ZCCHC7: variants seen among roughly 807,000 people sequenced by gnomAD.
ZCCHC7 encodes zinc finger CCHC domain-containing protein 7.
Under a neutral mutation model 52.0 loss-of-function variants are expected in ZCCHC7, and 35 were observed. The observed-to-expected ratio is 0.67, with a 90% CI of 0.51 to 0.89. ZCCHC7 has a LOEUF of 0.89. ZCCHC7 is among the 40% of genes least tolerant of loss of function. ZCCHC7 has a pLI of 0.00. For missense variants in ZCCHC7, 574 were observed against 649.1 expected, an observed-to-expected ratio of 0.88 and a Z score of 1.26; for synonymous variants, 217 against 221.5, an observed-to-expected ratio of 0.98 and a Z score of 0.18.
At chr9:37,191,270 A>T (rs888250336) in intron 2 of ZCCHC7, among the ~76,000 whole-genome samples, 3 of 152,280 alleles carry the variant, frequency 2.0e-5, no homozygotes, top group African/African-American at 7.2e-5. Flanking sequence ...AAGATCTAAT[A>T]ACCATTTTCT....
intron 1 of ZCCHC7, among the ~76,000 whole-genome samples, chr9:37,125,595 C>T (rs922765210): frequency 1.2e-4 from 19 of 152,170 alleles, no homozygotes; most frequent in African/African-American, 2.4e-4. Context: ...AAGTAATATT[C>T]CTGTATATGC....
At chr9:37,266,498 A>T (rs1371657407) in intron 2 of ZCCHC7, among the ~76,000 whole-genome samples, 2 of 152,216 alleles carry the variant, frequency 1.3e-5, no homozygotes. Flanking sequence ...AAAATATATA[A>T]AAATAGAGCT....
At chr9:37,215,051 A>G (rs1217677869) in intron 2 of ZCCHC7, among the ~76,000 whole-genome samples, 1 of 152,132 alleles carries the variant, frequency 6.6e-6, no homozygotes, top group Admixed American at 6.5e-5. Context: ...TTTATTACAA[A>G]CAGTTATGAA....
intron 2 of ZCCHC7, among the ~76,000 whole-genome samples, chr9:37,209,150 C>T (rs574652574): frequency 4.6e-5 from 7 of 152,196 alleles, no homozygotes; most frequent in Admixed American, 4.6e-4. Flanking sequence ...ACGCCATTTG[C>T]CTGCCTCAGT....
At chr9:37,272,297 A>G (rs974637654) in intron 2 of ZCCHC7, among the ~76,000 whole-genome samples, 1 of 152,100 alleles carries the variant, frequency 6.6e-6, no homozygotes, top group Admixed American at 6.5e-5. Context: ...TGGCTCTTTA[A>G]TCTTTTCTCA....
chr9:37,141,653 A>C (rs1843232085), intron 2 of ZCCHC7, among the ~76,000 whole-genome samples: 1 of 151,940 alleles, frequency 6.6e-6, no homozygotes, highest in South Asian at 2.1e-4. Context: ...GTACTGTTAT[A>C]AATCTTTAAT....
chr9:37,196,754 C>T (rs1178319306), intron 2 of ZCCHC7, among the ~76,000 whole-genome samples: 1 of 151,816 alleles, frequency 6.6e-6, no homozygotes, highest in Non-Finnish European at 1.5e-5. Context: ...GATTAAAAAG[C>T]TTTCTGTTTA....
At chr9:37,201,086 C>G (rs1261797699) in intron 2 of ZCCHC7, among the ~76,000 whole-genome samples, 1 of 152,100 alleles carries the variant, frequency 6.6e-6, no homozygotes, top group East Asian at 1.9e-4. Flanking sequence ...GTTTTGAATT[C>G]ATTGAATTTT....
intron 2 of ZCCHC7, among the ~76,000 whole-genome samples, chr9:37,153,150 T>C (rs1820623015): frequency 6.6e-6 from 1 of 151,412 alleles, no homozygotes; most frequent in African/African-American, 2.5e-5. Context: ...TATTTTTATT[T>C]ACTATTATTA....
Position 37,181,743 on chromosome 9 carries a change from T to A in ZCCHC7, c.610+54801T>A, listed in dbSNP as rs1274223912. On this transcript the variant is annotated intron_variant, in intron 2 of 8. Transcript: ENST00000336755. ...ATGTGGGAATGGAAAGGTACTGTAA[T>A]GGATGTGGGATATATGGAAGATGTT... Among the ~76,000 whole-genome samples, 4 of 152,216 alleles carry A rather than the reference T, an allele frequency of 2.6e-5. No homozygotes were observed. The East Asian group carries it at 5.8e-4, about 22-fold the overall frequency.
At chr9:37,271,682 G>A (rs1488138415) in intron 2 of ZCCHC7, among the ~76,000 whole-genome samples, 1 of 152,134 alleles carries the variant, frequency 6.6e-6, no homozygotes, top group Non-Finnish European at 1.5e-5. Context: ...CAATTCTCAT[G>A]TCTCAGCCTC....
At chr9:37,217,002 C>T (rs1481684700) in intron 2 of ZCCHC7, among the ~76,000 whole-genome samples, 1 of 152,032 alleles carries the variant, frequency 6.6e-6, no homozygotes, top group East Asian at 1.9e-4. Context: ...TCCTCTATCT[C>T]ACTTTTCTTT....
intron 2 of ZCCHC7, among the ~76,000 whole-genome samples, chr9:37,177,690 C>T (rs1822117578): frequency 6.6e-6 from 1 of 152,154 alleles, no homozygotes; most frequent in African/African-American, 2.4e-5. Flanking sequence ...ATAGGATATA[C>T]TCTTGATATG....
intron 5 of ZCCHC7, among the ~76,000 whole-genome samples, chr9:37,324,502 G>A (rs1830165199): frequency 6.6e-6 from 1 of 152,282 alleles, no homozygotes; most frequent in South Asian, 2.1e-4. Context: ...GCTCTTAAAC[G>A]ATCTAGGTCA....
chr9:37,302,130 T>C, intron 2 of ZCCHC7, 58 bp from the exon 3 acceptor site: 1 of 1,381,832 alleles, frequency 7.2e-7, no homozygotes, highest in Non-Finnish European at 1.0e-6. Flanking sequence ...TAATCTATTG[T>C]CAATCTATAA....
intron 6 of ZCCHC7, among the ~76,000 whole-genome samples, chr9:37,331,201 C>CA (rs1369641178): frequency 1.3e-5 from 2 of 151,422 alleles, no homozygotes; most frequent in East Asian, 1.9e-4. Flanking sequence ...ATTCACACTT[C>CA]AAAAAATAGA....
chr9:37,272,491 TAAAAAAAAAAAA>T (rs551495038), intron 2 of ZCCHC7, among the ~76,000 whole-genome samples: 7 of 97,822 alleles, frequency 7.2e-5, no homozygotes, highest in African/African-American at 2.7e-4. Flanking sequence ...AGCTGTGTGG[TAAAAAAAAAAAA>T]AAAAAAAAAA....
chr9:37,222,328 A>AGAGTGT (rs1397605356), intron 2 of ZCCHC7, among the ~76,000 whole-genome samples: 2 of 133,008 alleles, frequency 1.5e-5, no homozygotes, highest in African/African-American at 2.9e-5. Flanking sequence ...AGAATAACAG[A>AGAGTGT]GTGTGTGTGT....
chr9:37,270,728 T>G (rs1324293079), intron 2 of ZCCHC7, among the ~76,000 whole-genome samples: 1 of 150,580 alleles, frequency 6.6e-6, no homozygotes, highest in Non-Finnish European at 1.5e-5. Flanking sequence ...GGAATTTTAA[T>G]GTTTCAAAAT....
Sources: gnomAD v4.1 joint callset for allele counts (sites outside exome capture counted in the v4.1 genomes callset) on GRCh38, gnomAD v4.1.1 for gene constraint, MANE v1.5 for transcripts, NCBI Gene and HGNC (gene_info 2026-07-23, HGNC 2026-07-21) for gene names.